The following GLYAT variants were observed in gnomAD, a reference collection of about 807,000 sequenced individuals.
GLYAT encodes the protein glycine N-acyltransferase.
Under a neutral mutation model 22.8 loss-of-function variants are expected in GLYAT, and 25 were observed. That is an observed-to-expected ratio of 1.09 (90% CI 0.80 to 1.53). GLYAT has a LOEUF of 1.53. GLYAT is among the 40% of genes most tolerant of loss of function. GLYAT has a pLI of 0.00. For synonymous variants in GLYAT, 140 were observed against 122.7 expected, an observed-to-expected ratio of 1.14 and a Z score of -0.93; for missense variants, 411 against 353.9, an observed-to-expected ratio of 1.16 and a Z score of -1.29.
At chr11:58,715,586 T>A (rs1856670329) in intron 2 of GLYAT, among the ~76,000 whole-genome samples, 163 bp from the exon 3 acceptor site, 1 of 148,790 alleles carries the variant, frequency 6.7e-6, no homozygotes, top group African/African-American at 2.5e-5. Context: ...TGCTATTTTT[T>A]AATCTGTACA....
chr11:58,727,510 A>G (rs1361765252), intron 1 of GLYAT, among the ~76,000 whole-genome samples: 2 of 152,158 alleles, frequency 1.3e-5, no homozygotes, highest in Non-Finnish European at 2.9e-5. Flanking sequence ...CAGGCATTGC[A>G]GTTTTAGGCT....
rs192806538 is a variant in GLYAT at position 58,721,699 on chromosome 11, G to C, written c.81+2717C>G. On this transcript the variant is annotated intron_variant, in intron 2 of 5. Coordinates refer to ENST00000344743, the MANE Select transcript of GLYAT (RefSeq NM_201648.3). ...CATATTTCAGTTAGGACCAAATGCT[G>C]CTTTTTCAGAAGTACAGCCATTGCT... 5.7e-4 allele frequency among the ~76,000 whole-genome samples: 87 copies of C among 152,100 alleles called. No homozygotes were observed. In the East Asian group the frequency reaches 0.016, roughly 27 times the overall value.
chr11:58,718,219 G>A (rs1856707316), intron 2 of GLYAT, among the ~76,000 whole-genome samples: 1 of 152,036 alleles, frequency 6.6e-6, no homozygotes, highest in Non-Finnish European at 1.5e-5. Flanking sequence ...GCAAATAAAT[G>A]TATTACCATA....
intron 2 of GLYAT, 120 bp downstream of exon 2, chr11:58,724,296 G>A (rs1167304174): frequency 3.6e-6 from 2 of 562,838 alleles, no homozygotes; most frequent in Non-Finnish European, 6.4e-6. Context: ...CATACTAAAT[G>A]AGAGAAAACA....
intron 3 of GLYAT, among the ~76,000 whole-genome samples, chr11:58,713,113 A>G (rs1021205557): frequency 2.0e-5 from 3 of 152,100 alleles, no homozygotes; most frequent in African/African-American, 4.8e-5. Context: ...CAGAATAATT[A>G]TTATTTCCAT....
At position 58,709,779 on chromosome 11, in the gene GLYAT, C is replaced by G. The variant is rs1368437872; in HGVS notation, c.878G>C (p.Cys293Ser). 17 of 1,610,406 alleles carry G rather than the reference C, an allele frequency of 1.1e-5. No individual in the cohort carries two copies. The highest frequency in any genetic ancestry group is 3.3e-5 in the Admixed American group (2 of 59,850). The change falls in exon 6 of 6, where the codon TGT becomes TCT. Residue 293 changes from cysteine to serine, a missense_variant. By Grantham distance (112) the Cys-to-Ser change is moderately radical. Transcript: ENST00000344743. ...TCAGGATTGGCATCACAGAGGTACA[C>G]AGTTCCACTGGTTCCAGCTTCTGGG... ...PIPRSWNQWN[C>S]VPL is the part of the protein sequence containing the mutation.
In GLYAT at chr11:58,709,488, C is replaced by T; in HGVS notation, c.*278G>A. 1 of 279,076 alleles carries T rather than the reference C, an allele frequency of 3.6e-6. No individual in the cohort carries two copies. The highest frequency in any genetic ancestry group is 6.1e-5 in the East Asian group (1 of 16,352). 17.3% of individuals were successfully genotyped at this position (279,076 alleles called of 1,614,324 possible). A position where few individuals can be genotyped will look rare whatever the true frequency, so the allele number is the denominator to read the frequency against. On this transcript the variant is annotated 3_prime_UTR_variant, in exon 6 of 6. Transcript: ENST00000344743. Reference sequence around the variant, plus strand: ...GGATTCCAGGAGAAGTAATTTGGAGCAATATGTATCTGATGAAGTGTCATA... The same window carrying T: ...GGATTCCAGGAGAAGTAATTTGGAGTAATATGTATCTGATGAAGTGTCATA...
At chr11:58,722,937 A>G (rs1187716008) in intron 2 of GLYAT, among the ~76,000 whole-genome samples, 1 of 152,078 alleles carries the variant, frequency 6.6e-6, no homozygotes, top group Admixed American at 6.6e-5. Flanking sequence ...CATTAGGGGA[A>G]AATGTATGTC....
At chr11:58,712,586 A>T (rs905569165) in intron 4 of GLYAT, among the ~76,000 whole-genome samples, 174 bp downstream of exon 4, 5 of 152,118 alleles carry the variant, frequency 3.3e-5, no homozygotes, top group African/African-American at 4.8e-5. Context: ...CATTCTTTGC[A>T]AATTTTAGGG....
chr11:58,715,460 T>C (rs931016640), intron 2 of GLYAT, 37 bp from the exon 3 acceptor site: 1 of 945,488 alleles, frequency 1.1e-6, no homozygotes, highest in African/African-American at 1.6e-5. Flanking sequence ...GTTGGTTTAT[T>C]TGAAAAAAAC....
intron 5 of GLYAT, 179 bp from the exon 6 acceptor site, chr11:58,710,347 A>C (rs1856598377): frequency 9.1e-7 from 1 of 1,101,004 alleles, no homozygotes. Context: ...TGGAGGAAGA[A>C]AGCAGGAAGG....
chr11:58,709,715 C>A lies in GLYAT; in HGVS notation c.*51G>T. The A allele has an allele frequency of 1.3e-6, 2 of 1,540,376 alleles. No homozygotes were observed. The highest frequency in any genetic ancestry group is 1.3e-5 in the South Asian group (1 of 79,454). The stretch of plus-strand genomic sequence containing the variant: ...TTCTTTTCATCCACCATCCACTCCT[C>A]AAATTATACGCCCAGACCTGCCCAA... On this transcript the variant is annotated 3_prime_UTR_variant, in exon 6 of 6. Coordinates refer to ENST00000344743, the MANE Select transcript of GLYAT (RefSeq NM_201648.3).
At chr11:58,710,237 G>A in intron 5 of GLYAT, 69 bp from the exon 6 acceptor site, 1 of 1,524,916 alleles carries the variant, frequency 6.6e-7, no homozygotes, top group Non-Finnish European at 8.8e-7. Context: ...GACCTCTATT[G>A]TCTTGAGAGA....
chr11:58,718,787 T>A (rs1856714574), intron 2 of GLYAT, among the ~76,000 whole-genome samples: 1 of 151,876 alleles, frequency 6.6e-6, no homozygotes, highest in African/African-American at 2.4e-5. Context: ...GACAATAATT[T>A]TCCATGGATT....
At chr11:58,722,398 G>T (rs939927464) in intron 2 of GLYAT, among the ~76,000 whole-genome samples, 2 of 152,026 alleles carry the variant, frequency 1.3e-5, no homozygotes, top group African/African-American at 4.8e-5. Context: ...GGCACACTTG[G>T]TTTTATATAT....
intron 2 of GLYAT, 27 bp from the exon 3 acceptor site, chr11:58,715,450 G>A (rs759125260): frequency 1.9e-6 from 2 of 1,047,768 alleles, no homozygotes; most frequent in South Asian, 1.3e-5. Context: ...AATTGACAGG[G>A]TTGGTTTATT....
chr11:58,730,409 T>A (rs1856860342), intron 1 of GLYAT, among the ~76,000 whole-genome samples: 2 of 152,306 alleles, frequency 1.3e-5, no homozygotes, highest in South Asian at 4.1e-4. Context: ...CATCATGCCA[T>A]GCAAGTAATT....
At chr11:58,712,683 G>A in intron 4 of GLYAT, 77 bp downstream of exon 4, 2 of 1,229,870 alleles carry the variant, frequency 1.6e-6, no homozygotes, top group Non-Finnish European at 2.4e-6. Flanking sequence ...GAGCTTGGAG[G>A]AAGGAGGTAT....
intron 4 of GLYAT, among the ~76,000 whole-genome samples, chr11:58,712,017 A>T (rs1856622277): frequency 6.6e-6 from 1 of 152,224 alleles, no homozygotes; most frequent in East Asian, 1.9e-4. Flanking sequence ...TCATTCAGGC[A>T]TGTGAGTGAG....
Sources: allele counts gnomAD v4.1 joint callset (sites outside exome capture counted in the v4.1 genomes callset), GRCh38; gene constraint gnomAD v4.1.1; transcripts MANE v1.5; gene names NCBI Gene and HGNC (gene_info 2026-07-23, HGNC 2026-07-21).